Variants in KIF16B observed in about 807,000 individuals in gnomAD.
KIF16B encodes the protein kinesin-like protein KIF16B.
KIF16B carries 98 observed loss-of-function variants against 156.3 expected under a neutral mutation model. That is an observed-to-expected ratio of 0.63 (90% CI 0.53 to 0.74). The LOEUF is 0.74. Among genes scored for constraint, KIF16B ranks in the 30% least tolerant of loss-of-function variants. The probability of loss-of-function intolerance (pLI) is 0.00; values close to 1 mark genes in which losing one functional copy is unlikely to be tolerated. For missense variants in KIF16B, 1,421 were observed against 1,606.5 expected, an observed-to-expected ratio of 0.88 and a Z score of 1.97; for synonymous variants, 564 against 583.7, an observed-to-expected ratio of 0.97 and a Z score of 0.49.
At position 16,428,833 on chromosome 20, in the gene KIF16B, T is replaced by G. The variant is rs927305794; in HGVS notation, c.1474+120A>C. The G allele has an allele frequency of 3.7e-6, 3 of 809,532 alleles. No homozygotes were observed. In the African/African-American group the frequency reaches 5.2e-5, roughly 14 times the overall value. 50.1% of individuals were successfully genotyped at this position (809,532 alleles called of 1,614,324 possible). A position where few individuals can be genotyped will look rare whatever the true frequency, so the allele number is the denominator to read the frequency against. On this transcript the variant is annotated intron_variant, in intron 14 of 25. Coordinates refer to ENST00000354981, the MANE Select transcript of KIF16B (RefSeq NM_024704.5). ...TATATACGTACATACTGACCAACAC[T>G]GTACTTGAAAAATAATTTAATTTTC...
chr20:16,275,865 T>C (rs183198784), intron 25 of KIF16B, among the ~76,000 whole-genome samples: 1 of 152,324 alleles, frequency 6.6e-6, no homozygotes, highest in East Asian at 1.9e-4. Flanking sequence ...GTCACCAGTA[T>C]ATATCGTAGA....
At chr20:16,275,951 T>C (rs1279100841) in intron 25 of KIF16B, among the ~76,000 whole-genome samples, 1 of 152,200 alleles carries the variant, frequency 6.6e-6, no homozygotes, top group East Asian at 1.9e-4. Flanking sequence ...AAGGGTGAGA[T>C]GATTTGGAAA....
At chr20:16,409,582 T>G (rs1481673176) in intron 15 of KIF16B, among the ~76,000 whole-genome samples, 1 of 152,002 alleles carries the variant, frequency 6.6e-6, no homozygotes, top group Non-Finnish European at 1.5e-5. Context: ...AGGTGGCTAC[T>G]ACAGTGGTCC....
intron 1 of KIF16B, among the ~76,000 whole-genome samples, chr20:16,570,389 T>A (rs1026331167): frequency 6.6e-6 from 1 of 152,210 alleles, no homozygotes; most frequent in African/African-American, 2.4e-5. Flanking sequence ...TACTGTCAAA[T>A]TTCCCAATAT....
intron 12 of KIF16B, among the ~76,000 whole-genome samples, chr20:16,446,236 T>A (rs1382123032): frequency 6.6e-6 from 1 of 152,234 alleles, no homozygotes; most frequent in Non-Finnish European, 1.5e-5. Context: ...AATTCAAAAG[T>A]TTAGAATAAA....
chr20:16,537,450 G>A (rs2070014995), intron 1 of KIF16B, among the ~76,000 whole-genome samples: 1 of 151,956 alleles, frequency 6.6e-6, no homozygotes, highest in African/African-American at 2.4e-5. Flanking sequence ...TGCCTGTCTG[G>A]GTTTATAGCC....
At chr20:16,406,619 A>G (rs568951527) in intron 15 of KIF16B, among the ~76,000 whole-genome samples, 163 bp from the exon 16 acceptor site, 71 of 152,320 alleles carry the variant, frequency 4.7e-4, no homozygotes, top group Middle Eastern at 3.4e-3. Flanking sequence ...ACAATTTCAA[A>G]TCTGGAAATA....
Position 16,273,166 on chromosome 20 carries a change from G to T in KIF16B, c.*87C>A. 8.5e-7 allele frequency: 1 copy of T among 1,174,244 alleles called. No homozygotes were observed. The highest frequency in any genetic ancestry group is 1.3e-6 in the Non-Finnish European group (1 of 796,980). The allele number at this position is 1,174,244 out of a possible 1,614,324, so 72.7% of individuals were successfully genotyped here. Reference sequence around the variant, plus strand: ...GTCTTCAGCAGGAGGAGGCAGACCCGGATCCTCGCATGGGGGAGCTGCCCT... The same window carrying T: ...GTCTTCAGCAGGAGGAGGCAGACCCTGATCCTCGCATGGGGGAGCTGCCCT... On this transcript the variant is annotated 3_prime_UTR_variant, in exon 26 of 26. Transcript: ENST00000354981.
chr20:16,483,659 T>C (rs1274267297), intron 12 of KIF16B, among the ~76,000 whole-genome samples: 1 of 152,154 alleles, frequency 6.6e-6, no homozygotes, highest in Non-Finnish European at 1.5e-5. Context: ...ACTACTATTG[T>C]TGGCATCTTG....
chr20:16,461,322 A>G (rs1467395848), intron 12 of KIF16B, among the ~76,000 whole-genome samples: 1 of 152,096 alleles, frequency 6.6e-6, no homozygotes, highest in Non-Finnish European at 1.5e-5. Context: ...TCTTTAACCC[A>G]GTTAGAATAA....
At chr20:16,505,877 G>A (rs752049514) in intron 8 of KIF16B, 24 bp from the exon 9 acceptor site, 1 of 1,611,124 alleles carries the variant, frequency 6.2e-7, no homozygotes, top group Admixed American at 1.7e-5. Flanking sequence ...GAAACAAAGG[G>A]GAGAAAGGAC....
intron 12 of KIF16B, among the ~76,000 whole-genome samples, chr20:16,471,831 A>G (rs1399381847): frequency 1.3e-5 from 2 of 152,172 alleles, no homozygotes; most frequent in African/African-American, 4.8e-5. Context: ...AGAACTTTCC[A>G]TATTTATTCT....
Position 16,462,871 on chromosome 20 carries a change from C to T in KIF16B, c.1302+31420G>A, listed in dbSNP as rs368988119. ...CCAAGCACATTCGACATGGAGGCTC[C>T]ACCTTCCATTTTCTTTGTCAACCAC... On this transcript the variant is annotated intron_variant, in intron 12 of 25. Transcript: ENST00000354981. Among the ~76,000 whole-genome samples the T allele has an allele frequency of 1.9e-3, 283 of 152,304 alleles. No individual in the cohort carries two copies. The Middle Eastern group carries it at 0.02, about 11-fold the overall frequency.
Position 16,472,223 on chromosome 20 carries a change from G to A in KIF16B, c.1302+22068C>T, listed in dbSNP as rs137867375. Among the ~76,000 whole-genome samples the A allele has an allele frequency of 8.5e-5, 13 of 152,280 alleles. No individual in the cohort carries two copies. The East Asian group carries it at 2.5e-3, about 29-fold the overall frequency. ...TCCACAGAGATGAGTCATTGTGAAG[G>A]ATCATACAGCCCGCAGGGCCTAAAA... On this transcript the variant is annotated intron_variant, in intron 12 of 25. Coordinates refer to ENST00000354981, the MANE Select transcript of KIF16B (RefSeq NM_024704.5).
chr20:16,409,936 C>A (rs1391903988), intron 15 of KIF16B, among the ~76,000 whole-genome samples: 1 of 123,502 alleles, frequency 8.1e-6, no homozygotes, highest in Non-Finnish European at 1.6e-5. Flanking sequence ...TACCTTCCTA[C>A]CCACTTACCT....
At chr20:16,547,689 G>A (rs2070468577) in intron 1 of KIF16B, among the ~76,000 whole-genome samples, 2 of 152,048 alleles carry the variant, frequency 1.3e-5, no homozygotes, top group East Asian at 1.9e-4. Flanking sequence ...TGCAACTCAC[G>A]CAACACAAAG....
chr20:16,432,035 G>C, intron 12 of KIF16B, among the ~76,000 whole-genome samples: 1 of 151,862 alleles, frequency 6.6e-6, no homozygotes, highest in Non-Finnish European at 1.5e-5. Context: ...GAATGAATGA[G>C]TGAGTAGACA....
chr20:16,451,938 T>C (rs2067092511), intron 12 of KIF16B, among the ~76,000 whole-genome samples: 1 of 152,136 alleles, frequency 6.6e-6, no homozygotes, highest in Non-Finnish European at 1.5e-5. Flanking sequence ...CTAAAAAGCA[T>C]GAAAAGCAGC....
At chr20:16,318,434 C>T (rs2063728792) in intron 24 of KIF16B, among the ~76,000 whole-genome samples, 1 of 152,038 alleles carries the variant, frequency 6.6e-6, no homozygotes, top group African/African-American at 2.4e-5. Context: ...GCAAAGCGAG[C>T]CAGTTCTTGG....
Sources: gnomAD v4.1 joint callset for allele counts (sites outside exome capture counted in the v4.1 genomes callset) on GRCh38, gnomAD v4.1.1 for gene constraint, MANE v1.5 for transcripts, NCBI Gene and HGNC (gene_info 2026-07-23, HGNC 2026-07-21) for gene names.